The following UBE2U variants were observed in gnomAD, a reference collection of about 807,000 sequenced individuals.
UBE2U encodes ubiquitin-conjugating enzyme E2 U.
In UBE2U, 39 loss-of-function variants were observed where a neutral mutation model predicts 41.2. The ratio of observed to expected loss-of-function variants is 0.95; its 90% confidence interval spans 0.73 to 1.24. The LOEUF (loss-of-function observed/expected upper bound fraction) is 1.24. UBE2U is among the 50% of genes most tolerant of loss of function. The pLI is 0.00. For missense variants in UBE2U, 336 were observed against 363.1 expected (o/e 0.93, Z 0.61); for synonymous variants, 107 against 117.8 (o/e 0.91, Z 0.60).
At chr1:64,221,703 T>C (rs924817646) in intron 6 of UBE2U, among the ~76,000 whole-genome samples, 2 of 152,212 alleles carry the variant, frequency 1.3e-5, no homozygotes, top group Non-Finnish European at 2.9e-5. Context: ...GTCAATCAGA[T>C]TTAGAAAACA....
chr1:64,256,079 T>C (rs79680574), intron 8 of UBE2U, among the ~76,000 whole-genome samples: 33,802 of 151,968 alleles, frequency 0.22, 3,957 homozygotes, highest in Middle Eastern at 0.35. Flanking sequence ...GTGAAGGACC[T>C]CTTCACAGAG....
intron 3 of UBE2U, among the ~76,000 whole-genome samples, chr1:64,207,296 A>C (rs977489033): frequency 2.0e-4 from 31 of 152,082 alleles, no homozygotes; most frequent in African/African-American, 7.5e-4. Flanking sequence ...GACTACAGGC[A>C]TGCGCCACCA....
chr1:64,220,385 CTGTTT>C (rs1355135616), intron 5 of UBE2U, among the ~76,000 whole-genome samples: 17 of 152,126 alleles, frequency 1.1e-4, no homozygotes, highest in Admixed American at 1.1e-3. Context: ...TTACTCCATC[CTGTTT>C]TGTTTCTACT....
chr1:64,260,235 G>C (rs1281137874), intron 8 of UBE2U, among the ~76,000 whole-genome samples: 1 of 152,148 alleles, frequency 6.6e-6, no homozygotes, highest in African/African-American at 2.4e-5. Flanking sequence ...AGAACTATGA[G>C]AGAATACATT....
intron 5 of UBE2U, among the ~76,000 whole-genome samples, chr1:64,216,094 G>A (rs934468148): frequency 3.9e-5 from 6 of 152,076 alleles, no homozygotes; most frequent in African/African-American, 1.4e-4. Context: ...CCATTAGCTA[G>A]GTCTGTATAA....
chr1:64,205,804 C>A, intron 2 of UBE2U, 84 bp downstream of exon 2: 1 of 1,051,472 alleles, frequency 9.5e-7, no homozygotes, highest in Non-Finnish European at 1.4e-6. Context: ...AGGATAAGGT[C>A]GCATTATATA....
intron 6 of UBE2U, among the ~76,000 whole-genome samples, chr1:64,228,921 C>T (rs1367386254): frequency 2.8e-5 from 4 of 142,326 alleles, no homozygotes; most frequent in Admixed American, 2.2e-4. Context: ...ATTGTAGTGG[C>T]GCGATCTCAG....
chr1:64,211,499 G>A (rs905291231), intron 4 of UBE2U, among the ~76,000 whole-genome samples: 1 of 152,070 alleles, frequency 6.6e-6, no homozygotes, highest in Admixed American at 6.6e-5. Context: ...GAGTGCAACG[G>A]CACAATCCTG....
intron 4 of UBE2U, 34 bp from the exon 5 acceptor site, chr1:64,214,781 T>G: frequency 6.3e-7 from 1 of 1,581,476 alleles, no homozygotes; most frequent in Non-Finnish European, 8.7e-7. Context: ...AAAGTTTACT[T>G]CTGAAATTAT....
At chr1:64,215,431 T>C (rs1370213937) in intron 5 of UBE2U, 2 of 152,996 alleles carry the variant, frequency 1.3e-5, no homozygotes, top group African/African-American at 4.8e-5. Flanking sequence ...TGATCCTTTT[T>C]TAAAGATCAT....
chr1:64,239,157 A>AAAG lies in UBE2U; in HGVS notation c.596-2462_596-2460dup, dbSNP rs149062313. Among the ~76,000 whole-genome samples the AAAG allele has an allele frequency of 4.6e-3, 172 of 37,018 alleles. 6 individuals carry two copies. Among genetic ancestry groups the AAAG allele is most frequent in the South Asian group, 6.9e-3 (5 of 728 alleles). 24.3% of individuals were successfully genotyped at this position (37,018 alleles called of 152,430 possible). On this transcript the variant is annotated intron_variant, in intron 7 of 9. Coordinates refer to ENST00000371077, the MANE Select transcript of UBE2U (RefSeq NM_001366232.2). ...GAAGAAGAAGAAGAAGAAGAAGAAG[A>AAAG]AAGAAGAAGAAGAAGAAGAAGAAGA...
Position 64,204,104 on chromosome 1 carries a change from G to A in UBE2U, c.54G>A (p.Glu18=), listed in dbSNP as rs1417181783. The change falls in exon 1 of 10, where the codon GAG becomes GAA. Residue 18 remains glutamate, a synonymous_variant. Transcript: ENST00000371077. ...ACAGAGACTTCTGTGATCTCAAGGA[G>A]AACAATTATAAGGTAAGTACTGGGC... The part of the protein sequence containing the change: ...LLHRDFCDLK[E]NNYKGITAKP... 6.2e-7 allele frequency: 1 copy of A among 1,613,618 alleles called. No individual in the cohort carries two copies. Among genetic ancestry groups the A allele is most frequent in the Non-Finnish European group, 8.5e-7 (1 of 1,179,818 alleles).
intron 8 of UBE2U, among the ~76,000 whole-genome samples, chr1:64,256,277 T>C (rs1645089516): frequency 1.3e-5 from 2 of 152,164 alleles, no homozygotes; most frequent in Non-Finnish European, 2.9e-5. Context: ...TATTTTAAAA[T>C]ATGTATGGAC....
At chr1:64,209,181 A>T (rs1651505172) in intron 3 of UBE2U, among the ~76,000 whole-genome samples, 1 of 152,168 alleles carries the variant, frequency 6.6e-6, no homozygotes, top group Non-Finnish European at 1.5e-5. Context: ...TTATTTGTTT[A>T]AAATAGTTAG....
At chr1:64,224,935 T>TCACACACACA (rs34259884) in intron 6 of UBE2U, among the ~76,000 whole-genome samples, 2 of 146,840 alleles carry the variant, frequency 1.4e-5, no homozygotes, top group African/African-American at 5.0e-5. Context: ...TAGGATATTA[T>TCACACACACA]CACACACACA....
chr1:64,206,851 C>T lies in UBE2U; in HGVS notation c.236C>T (p.Pro79Leu). ...VVKFITIPFH[P>L]NVDPHTGQPC... ...AAATTTATAACAATTCCGTTTCATC[C>T]AAATGGTAAGAACTAAATGACATTT... is the stretch of plus-strand genomic sequence containing the variant. Residue 79 changes from proline to leucine, a missense_variant, in exon 3 of 10, where the codon CCA (proline) becomes CTA (leucine). Physicochemically the swap from Pro to Leu is moderately conservative, Grantham distance 98. Coordinates refer to ENST00000371077, the MANE Select transcript of UBE2U (RefSeq NM_001366232.2). 6.4e-7 allele frequency: 1 copy of T among 1,573,294 alleles called. No homozygotes were observed. The highest frequency in any genetic ancestry group is 1.4e-5 in the African/African-American group (1 of 73,764).
intron 4 of UBE2U, among the ~76,000 whole-genome samples, 169 bp downstream of exon 4, chr1:64,211,008 T>C (rs994791743): frequency 2.0e-5 from 3 of 152,226 alleles, no homozygotes; most frequent in Admixed American, 2.0e-4. Flanking sequence ...TTACTTAAAT[T>C]ATAAAAACTA....
At chr1:64,221,902 T>C (rs537173341) in intron 6 of UBE2U, among the ~76,000 whole-genome samples, 26 of 151,936 alleles carry the variant, frequency 1.7e-4, no homozygotes, top group African/African-American at 3.4e-4. Flanking sequence ...CTGGCTAACA[T>C]GGTGAAACCT....
chr1:64,220,344 G>A (rs1652355050), intron 5 of UBE2U, among the ~76,000 whole-genome samples: 1 of 152,110 alleles, frequency 6.6e-6, no homozygotes, highest in Non-Finnish European at 1.5e-5. Flanking sequence ...AATCTTGTCT[G>A]TTCGATATGA....
Sources: allele counts gnomAD v4.1 joint callset (sites outside exome capture counted in the v4.1 genomes callset), GRCh38; gene constraint gnomAD v4.1.1; transcripts MANE v1.5; gene names NCBI Gene and HGNC (gene_info 2026-07-23, HGNC 2026-07-21).